Variants in PTPRO observed in about 807,000 individuals in gnomAD.
PTPRO encodes the protein protein tyrosine phosphatase receptor type O.
In PTPRO, 62 loss-of-function variants were observed where a neutral mutation model predicts 145.2. The observed-to-expected ratio is 0.43, with a 90% confidence interval of 0.35 to 0.53. The LOEUF is 0.53. Among genes scored for constraint, PTPRO ranks in the 20% least tolerant of loss-of-function variants. The pLI is 0.01. For missense variants in PTPRO, 1,345 were observed against 1,482.7 expected, an observed-to-expected ratio of 0.91 and a Z score of 1.53; for synonymous variants, 565 against 514.7, an observed-to-expected ratio of 1.10 and a Z score of -1.32.
At chr12:15,342,884 T>C (rs1867051174) in intron 1 of PTPRO, among the ~76,000 whole-genome samples, 1 of 152,196 alleles carries the variant, frequency 6.6e-6, no homozygotes, top group Non-Finnish European at 1.5e-5. Flanking sequence ...TTCTGGAATT[T>C]CAGTGTCACC....
intron 1 of PTPRO, among the ~76,000 whole-genome samples, chr12:15,362,375 G>A (rs1035112928): frequency 6.6e-6 from 1 of 152,116 alleles, no homozygotes; most frequent in African/African-American, 2.4e-5. Context: ...TACATGTCAG[G>A]TTTTGTCCAA....
intron 1 of PTPRO, among the ~76,000 whole-genome samples, chr12:15,409,380 T>G (rs886787011): frequency 2.6e-5 from 4 of 152,172 alleles, no homozygotes; most frequent in African/African-American, 9.7e-5. Context: ...GAAAACAGCA[T>G]AAGCCAAGAT....
chr12:15,586,317 G>C (rs1944428374), intron 23 of PTPRO, among the ~76,000 whole-genome samples: 1 of 152,224 alleles, frequency 6.6e-6, no homozygotes, highest in South Asian at 2.1e-4. Flanking sequence ...CCCACAGAGA[G>C]TGCTGGGGGC....
intron 1 of PTPRO, among the ~76,000 whole-genome samples, chr12:15,339,818 T>G (rs143671629): frequency 0.017 from 2,651 of 152,286 alleles, 49 homozygotes; most frequent in South Asian, 0.085. Flanking sequence ...CTTGTAGAAT[T>G]TCTTCTACAT....
At chr12:15,389,569 A>G (rs1939131966) in intron 1 of PTPRO, among the ~76,000 whole-genome samples, 1 of 152,312 alleles carries the variant, frequency 6.6e-6, no homozygotes, top group East Asian at 1.9e-4. Flanking sequence ...TTCCCCACAT[A>G]TTGCTGTCAA....
chr12:15,493,005 C>T (rs568239009), intron 2 of PTPRO, among the ~76,000 whole-genome samples: 43 of 152,176 alleles, frequency 2.8e-4, no homozygotes, highest in South Asian at 6.2e-4. Context: ...ACTAAAACTA[C>T]GCCTAAATAT....
intron 12 of PTPRO, among the ~76,000 whole-genome samples, chr12:15,526,755 G>A (rs376945263): frequency 6.6e-6 from 1 of 151,858 alleles, no homozygotes. Context: ...TAAATATATG[G>A]TCAGACACAA....
Position 15,597,457 on chromosome 12 carries a change from G to A in PTPRO, c.*1384G>A, listed in dbSNP as rs984303. 123,317 of 152,234 alleles carry A rather than the reference G, an allele frequency of 0.81. 56,103 individuals carry two copies. The highest frequency in any genetic ancestry group is 1 in the Non-Finnish European group (67,766 of 68,070). 9.4% of individuals were successfully genotyped at this position (152,234 alleles called of 1,614,324 possible). A position where few individuals can be genotyped will look rare whatever the true frequency, so the allele number is the denominator to read the frequency against. On this transcript the variant is annotated 3_prime_UTR_variant, in exon 27 of 27. Transcript: ENST00000281171. ...AGGCTTTGCTCCTCTTCATGCACCC[G>A]ACACTGCCCCTTCCCTGGCTTCCCT... is the stretch of plus-strand genomic sequence containing the variant.
chr12:15,499,355 T>G, intron 3 of PTPRO, 87 bp from the exon 4 acceptor site: 1 of 1,300,118 alleles, frequency 7.7e-7, no homozygotes, highest in Non-Finnish European at 1.1e-6. Flanking sequence ...ATTTTGTGAA[T>G]GTTTAGCCAT....
chr12:15,451,830 G>A (rs1432892610), intron 1 of PTPRO, among the ~76,000 whole-genome samples: 1 of 152,130 alleles, frequency 6.6e-6, no homozygotes, highest in East Asian at 1.9e-4. Context: ...AAAACCTCTG[G>A]GGTACAGCAA....
chr12:15,469,995 CT>C (rs1941504054), intron 1 of PTPRO, among the ~76,000 whole-genome samples: 1 of 152,118 alleles, frequency 6.6e-6, no homozygotes, highest in African/African-American at 2.4e-5. Flanking sequence ...CCTTAAATAA[CT>C]GAGGTTCAAA....
chr12:15,421,059 T>C (rs552099452), intron 1 of PTPRO, among the ~76,000 whole-genome samples: 1 of 152,300 alleles, frequency 6.6e-6, no homozygotes, highest in East Asian at 1.9e-4. Context: ...GCCATTATTG[T>C]TTATTTATCT....
At chr12:15,481,635 C>T (rs1027122229) in intron 1 of PTPRO, among the ~76,000 whole-genome samples, 5 of 151,980 alleles carry the variant, frequency 3.3e-5, no homozygotes, top group African/African-American at 9.7e-5. Context: ...ATGCAGTTCC[C>T]GACCTTAGAG....
intron 1 of PTPRO, among the ~76,000 whole-genome samples, chr12:15,383,755 A>G (rs1938936469): frequency 6.6e-6 from 1 of 152,172 alleles, no homozygotes; most frequent in South Asian, 2.1e-4. Context: ...CCGAGTGGCA[A>G]TTAGTTCAAA....
intron 1 of PTPRO, among the ~76,000 whole-genome samples, chr12:15,367,099 T>A (rs1423252051): frequency 2.0e-5 from 3 of 152,222 alleles, no homozygotes; most frequent in South Asian, 2.1e-4. Context: ...CAGCTACAGT[T>A]AATACATATT....
chr12:15,550,044 G>A (rs186092574), intron 14 of PTPRO, among the ~76,000 whole-genome samples: 9 of 152,086 alleles, frequency 5.9e-5, no homozygotes, highest in African/African-American at 2.2e-4. Flanking sequence ...ATATACAGTT[G>A]ACGATGAATA....
At chr12:15,533,040 C>T (rs984501673) in intron 12 of PTPRO, among the ~76,000 whole-genome samples, 1 of 152,068 alleles carries the variant, frequency 6.6e-6, no homozygotes, top group Non-Finnish European at 1.5e-5. Flanking sequence ...ACATCATGGT[C>T]GAAGGTGCCT....
In PTPRO at chr12:15,578,883, C is replaced by A. The variant is rs746874580; in HGVS notation, c.2860C>A (p.His954Asn). Reference sequence around the variant, plus strand: ...GAAATTGATTGGACTGGATATCCCACACTTTGCTGCAGATCTTCCACTGAA... The same window carrying A: ...GAAATTGATTGGACTGGATATCCCAAACTTTGCTGCAGATCTTCCACTGAA... ...ELKLIGLDIP[H>N]FAADLPLNRC... The change falls in exon 20 of 27, where the codon CAC (histidine) becomes AAC (asparagine). Residue 954 changes from histidine (H) to asparagine (N), a missense_variant. Coordinates refer to ENST00000281171, the MANE Select transcript of PTPRO (RefSeq NM_030667.3). 2.5e-6 allele frequency: 4 copies of A among 1,606,202 alleles called. No homozygotes were observed. Among genetic ancestry groups the A allele is most frequent in the Non-Finnish European group, 3.4e-6 (4 of 1,172,786 alleles).
chr12:15,378,618 G>A (rs1482723340), intron 1 of PTPRO, among the ~76,000 whole-genome samples: 1 of 151,822 alleles, frequency 6.6e-6, no homozygotes, highest in Non-Finnish European at 1.5e-5. Context: ...AAACATTTAT[G>A]GGAGAAATAA....
Sources: allele counts gnomAD v4.1 joint callset (sites outside exome capture counted in the v4.1 genomes callset), GRCh38; gene constraint gnomAD v4.1.1; transcripts MANE v1.5; gene names NCBI Gene and HGNC (gene_info 2026-07-23, HGNC 2026-07-21).